The following PSME4 variants were observed in gnomAD, a reference collection of about 807,000 sequenced individuals.
The protein encoded by PSME4 is proteasome activator subunit 4, also known as proteasome activator complex subunit 4.
PSME4 carries 89 observed loss-of-function variants against 253.9 expected under a neutral mutation model. That is an observed-to-expected ratio of 0.35 (90% CI 0.30 to 0.42). The LOEUF is 0.42. Among genes scored for constraint, PSME4 ranks in the 10% least tolerant of loss-of-function variants. PSME4 has a pLI of 1.00. For synonymous variants in PSME4, 851 were observed against 759.2 expected, an observed-to-expected ratio of 1.12 and a Z score of -1.99; for missense variants, 2,014 against 2,195.2, an observed-to-expected ratio of 0.92 and a Z score of 1.65.
At chr2:53,891,719 C>G (rs1022359257) in intron 36 of PSME4, among the ~76,000 whole-genome samples, 1 of 151,886 alleles carries the variant, frequency 6.6e-6, no homozygotes, top group Admixed American at 6.6e-5. Context: ...ATTAGCCTGA[C>G]AAGGTGGCGC....
Position 53,934,667 on chromosome 2 carries a change from G to A in PSME4, c.895C>T (p.Pro299Ser), listed in dbSNP as rs1302502989. 10 of 1,609,942 alleles carry A rather than the reference G, an allele frequency of 6.2e-6. No homozygotes were observed. The highest frequency in any genetic ancestry group is 8.5e-6 in the Non-Finnish European group (10 of 1,176,688). The change falls in exon 8 of 47, where the codon CCA (proline) becomes TCA (serine). Residue 299 changes from proline to serine, a missense_variant. By Grantham distance (74) the Pro-to-Ser change is moderately conservative. This residue lies in a region of PSME4 where 615 missense variants were observed against 594.4 expected (regional missense o/e 1.03). Coordinates refer to ENST00000404125, the MANE Select transcript of PSME4 (RefSeq NM_014614.3). ...LPVGSSQVLV[P>S]RFLTNAYDIG... is the part of the protein sequence containing the mutation. The stretch of plus-strand genomic sequence containing the variant: ...TCATAAGCATTTGTTAAAAATCTTG[G>A]GACTAACACTTGACTGCTTCCCACT...
chr2:53,917,812 T>C (rs546438797), intron 20 of PSME4, among the ~76,000 whole-genome samples: 12 of 152,350 alleles, frequency 7.9e-5, no homozygotes, highest in African/African-American at 2.9e-4. Flanking sequence ...GCCTCTTATT[T>C]TTAAATATTG....
intron 32 of PSME4, among the ~76,000 whole-genome samples, 200 bp from the exon 33 acceptor site, chr2:53,895,936 A>G (rs1408569715): frequency 2.6e-5 from 4 of 152,162 alleles, no homozygotes; most frequent in African/African-American, 4.8e-5. Flanking sequence ...ATTGTGTTGA[A>G]TCAGTTATTT....
chr2:53,901,506 A>C lies in PSME4; in HGVS notation c.3129T>G (p.Leu1043=). ...GNHSGVCLAN[L]HDWDCIVQTW... Reference sequence around the variant, plus strand: ...TCTGTACAATACAGTCCCAATCATGAAGGTTTGCCAAGCACACACCACTGT... The same window carrying C: ...TCTGTACAATACAGTCCCAATCATGCAGGTTTGCCAAGCACACACCACTGT... Residue 1043 remains leucine, a synonymous_variant, in exon 28 of 47, where the codon CTT becomes CTG. Transcript: ENST00000404125. 1 of 1,614,032 alleles carries C rather than the reference A, an allele frequency of 6.2e-7. No individual in the cohort carries two copies. Among genetic ancestry groups the C allele is most frequent in the Non-Finnish European group, 8.5e-7 (1 of 1,179,926 alleles).
At chr2:53,888,162 A>G (rs543539728) in intron 38 of PSME4, 173 bp from the exon 39 acceptor site, 12 of 548,878 alleles carry the variant, frequency 2.2e-5, no homozygotes, top group African/African-American at 9.8e-5. Flanking sequence ...TATTTTTCCT[A>G]TATCATTTTC....
intron 20 of PSME4, among the ~76,000 whole-genome samples, chr2:53,910,903 T>C (rs1221794709): frequency 6.6e-6 from 1 of 152,174 alleles, no homozygotes; most frequent in Non-Finnish European, 1.5e-5. Context: ...AAGAGATACA[T>C]TCTAAAAGGA....
chr2:53,938,551 C>A (rs1669233271), intron 4 of PSME4, among the ~76,000 whole-genome samples: 1 of 150,038 alleles, frequency 6.7e-6, no homozygotes, highest in South Asian at 2.1e-4. Flanking sequence ...CTGAAGTGAT[C>A]CTCCCACCTC....
intron 37 of PSME4, among the ~76,000 whole-genome samples, 153 bp downstream of exon 37, chr2:53,889,951 G>A (rs1260954266): frequency 6.6e-6 from 1 of 152,102 alleles, no homozygotes; most frequent in African/African-American, 2.4e-5. Context: ...TAGAATAATA[G>A]TCTCTAATCC....
At chr2:53,911,314 T>G (rs1300330392) in intron 20 of PSME4, among the ~76,000 whole-genome samples, 1 of 152,184 alleles carries the variant, frequency 6.6e-6, no homozygotes, top group Admixed American at 6.5e-5. Context: ...TGTATATTAA[T>G]AGTATCAAAC....
In PSME4 at chr2:53,934,635, T is replaced by A. The variant is rs1200970206; in HGVS notation, c.927A>T (p.Gly309=). 1.9e-6 allele frequency: 3 copies of A among 1,612,902 alleles called. No individual in the cohort carries two copies. Among genetic ancestry groups the A allele is most frequent in the Non-Finnish European group, 2.5e-6 (3 of 1,179,224 alleles). ...TGGCGGTGATCCATATTACAGCATGTCCTATATCATAAGCATTTGTTAAAA... is the reference window on the plus strand; with the variant it reads ...TGGCGGTGATCCATATTACAGCATGACCTATATCATAAGCATTTGTTAAAA... The part of the protein sequence containing the change: ...PRFLTNAYDI[G]HAVIWITAMM... Residue 309 remains glycine (G), a synonymous_variant, in exon 8 of 47, where the codon GGA becomes GGT. Transcript: ENST00000404125.
intron 34 of PSME4, among the ~76,000 whole-genome samples, chr2:53,894,721 G>C (rs1054541156): frequency 6.6e-6 from 1 of 151,276 alleles, no homozygotes; most frequent in Non-Finnish European, 1.5e-5. Flanking sequence ...GCTTGTATCA[G>C]AACTGATACA....
chr2:53,945,513 G>C (rs1300577790), intron 3 of PSME4, among the ~76,000 whole-genome samples: 1 of 152,102 alleles, frequency 6.6e-6, no homozygotes, highest in Non-Finnish European at 1.5e-5. Flanking sequence ...AGGAAGAGAA[G>C]AAAAGAGGGA....
intron 36 of PSME4, among the ~76,000 whole-genome samples, chr2:53,892,215 C>G (rs182361924): frequency 6.6e-6 from 1 of 152,124 alleles, no homozygotes; most frequent in Non-Finnish European, 1.5e-5. Context: ...GTCATCTCTT[C>G]GACAAAATAG....
chr2:53,950,054 C>A (rs906640053), intron 1 of PSME4, among the ~76,000 whole-genome samples: 4 of 152,088 alleles, frequency 2.6e-5, no homozygotes, highest in Non-Finnish European at 5.9e-5. Context: ...GCAGGAGGAT[C>A]ACTTGAACCC....
At chr2:53,947,320 T>C (rs541387880) in intron 3 of PSME4, among the ~76,000 whole-genome samples, 1 of 152,124 alleles carries the variant, frequency 6.6e-6, no homozygotes, top group Non-Finnish European at 1.5e-5. Context: ...TGCCTAAGAC[T>C]GAGAGAGAAA....
intron 37 of PSME4, among the ~76,000 whole-genome samples, chr2:53,889,409 T>A (rs1203498946): frequency 6.6e-6 from 1 of 152,148 alleles, no homozygotes; most frequent in Non-Finnish European, 1.5e-5. Flanking sequence ...TTATACTGTA[T>A]TGTTTAGGGA....
intron 39 of PSME4, 38 bp downstream of exon 39, chr2:53,887,816 CAAAG>C (rs761633465): frequency 5.3e-6 from 8 of 1,511,602 alleles, no homozygotes; most frequent in Non-Finnish European, 6.3e-6. Flanking sequence ...AAAAAACAAA[CAAAG>C]AACTCGAGAG....
intron 1 of PSME4, among the ~76,000 whole-genome samples, chr2:53,964,551 G>A (rs1235957731): frequency 6.6e-6 from 1 of 152,132 alleles, no homozygotes; most frequent in Non-Finnish European, 1.5e-5. Flanking sequence ...TCTCACTGAT[G>A]AGTTTGGTAA....
Position 53,932,091 on chromosome 2 carries a change from T to A in PSME4, c.1060A>T (p.Met354Leu), listed in dbSNP as rs1668857869. The change falls in exon 10 of 47, where the codon ATG becomes TTG. Residue 354 changes from methionine to leucine, a missense_variant. Physicochemically the swap from Met to Leu is conservative, Grantham distance 15. Coordinates refer to ENST00000404125, the MANE Select transcript of PSME4 (RefSeq NM_014614.3). Reference protein sequence around the residue: ...SNNGRWLNKLMKLLQRLPNSV... With the variant: ...SNNGRWLNKLLKLLQRLPNSV... ...TTTGGCAACCGCTGAAGTAGTTTCA[T>A]TAACTTGTTCTGGGGACACAGAAGC... is the stretch of plus-strand genomic sequence containing the variant. The A allele has an allele frequency of 6.2e-7, 1 of 1,613,758 alleles. No individual in the cohort carries two copies. The highest frequency in any genetic ancestry group is 1.1e-5 in the South Asian group (1 of 91,060).
Sources: allele counts gnomAD v4.1 joint callset (sites outside exome capture counted in the v4.1 genomes callset), GRCh38; gene constraint gnomAD v4.1.1; regional missense constraint gnomAD v4.1.1; transcripts MANE v1.5; gene names NCBI Gene and HGNC (gene_info 2026-07-23, HGNC 2026-07-21).